SH3GL1: variants seen among roughly 807,000 people sequenced by gnomAD.
SH3GL1 encodes SH3 domain containing GRB2 like 1, endophilin A2.
Under a neutral mutation model 48.8 loss-of-function variants are expected in SH3GL1, and 21 were observed. That is an observed-to-expected ratio of 0.43 (90% CI 0.30 to 0.62). The LOEUF is 0.62. SH3GL1 is among the 20% of genes least tolerant of loss of function. SH3GL1 has a pLI of 0.11. For missense variants in SH3GL1, 454 were observed against 503.0 expected (o/e 0.90, Z 0.93); for synonymous variants, 282 against 217.5 (o/e 1.30, Z -2.61).
chr19:4,380,814 T>C (rs949957051), intron 1 of SH3GL1, among the ~76,000 whole-genome samples: 4 of 152,068 alleles, frequency 2.6e-5, no homozygotes, highest in Admixed American at 6.5e-5. Context: ...CCACTAGCTT[T>C]TAAGTCACCA....
chr19:4,362,384 A>C lies in SH3GL1; in HGVS notation c.855T>G (p.Ala285=), dbSNP rs1176111297. 1 of 1,610,992 alleles carries C rather than the reference A, an allele frequency of 6.2e-7. No homozygotes were observed. The highest frequency in any genetic ancestry group is 8.5e-7 in the Non-Finnish European group (1 of 1,178,514). The change falls in exon 9 of 10, where the codon GCT becomes GCG. Residue 285 remains alanine (A), a splice_region_variant and synonymous_variant. Transcript: ENST00000269886. ...TGTCGGAAGATCGGAAAGACGATGA[A>C]GCTAAACACAAGCAAAACGAGGAGG... ...FPCTTAPKIA[A]SSSFRSSDKP... is the part of the protein sequence containing the mutation.
At chr19:4,368,652 C>T (rs1972833339) in intron 1 of SH3GL1, among the ~76,000 whole-genome samples, 1 of 152,234 alleles carries the variant, frequency 6.6e-6, no homozygotes, top group South Asian at 2.1e-4. Flanking sequence ...GTCCACCTGC[C>T]TTCATGTGCG....
Position 4,360,519 on chromosome 19 carries a change from G to A in SH3GL1, c.*1081C>T, listed in dbSNP as rs898701833. 8.1e-5 allele frequency: 19 copies of A among 233,806 alleles called. No homozygotes were observed. The highest frequency in any genetic ancestry group is 4.2e-4 in the African/African-American group (19 of 45,318). 14.5% of individuals were successfully genotyped at this position (233,806 alleles called of 1,614,324 possible). A position where few individuals can be genotyped will look rare whatever the true frequency, so the allele number is the denominator to read the frequency against. The stretch of plus-strand genomic sequence containing the variant: ...GCAGGGCAGGGCAGAGCAGAGCCTG[G>A]GGTCCGGAGGCTTCACTGGACCACA... On this transcript the variant is annotated 3_prime_UTR_variant, in exon 10 of 10. Transcript: ENST00000269886.
At chr19:4,381,447 CCCT>C (rs1485056863) in intron 1 of SH3GL1, among the ~76,000 whole-genome samples, 1 of 128,814 alleles carries the variant, frequency 7.8e-6, no homozygotes, top group Non-Finnish European at 1.7e-5. Context: ...CTCTCTGTCC[CCCT>C]ACCTCTGTCT....
At chr19:4,392,418 G>GA (rs1426166874) in intron 1 of SH3GL1, among the ~76,000 whole-genome samples, 8 of 152,048 alleles carry the variant, frequency 5.3e-5, no homozygotes, top group African/African-American at 1.9e-4. Context: ...CAGCTACTCA[G>GA]GAGGCTGAGG....
Position 4,367,509 on chromosome 19 carries a change from G to T in SH3GL1, c.46-515C>A, listed in dbSNP as rs1599595821. ...GAGGTGCAGGCAGCCGGGCAGGGAGGCCGCCATTCTCCTGTGCTCTGGTGC... is the reference window on the plus strand; with the variant it reads ...GAGGTGCAGGCAGCCGGGCAGGGAGTCCGCCATTCTCCTGTGCTCTGGTGC... On this transcript the variant is annotated intron_variant, in intron 1 of 9. Coordinates refer to ENST00000269886, the MANE Select transcript of SH3GL1 (RefSeq NM_003025.4). This position sits in a 1 kb window ranked among gnomAD's most constrained non-coding sequence, Gnocchi z 4.2. Among the ~76,000 whole-genome samples the T allele has an allele frequency of 6.6e-6, 1 of 152,178 alleles. No individual in the cohort carries two copies. Among genetic ancestry groups the T allele is most frequent in the Non-Finnish European group, 1.5e-5 (1 of 68,024 alleles).
intron 1 of SH3GL1, among the ~76,000 whole-genome samples, chr19:4,374,608 A>G (rs1972969067): frequency 6.6e-6 from 1 of 152,214 alleles, no homozygotes; most frequent in Non-Finnish European, 1.5e-5. Flanking sequence ...TTCTCCCGGG[A>G]CAGCCTCCTC....
intron 1 of SH3GL1, among the ~76,000 whole-genome samples, chr19:4,398,596 C>G (rs1241032042): frequency 6.6e-6 from 1 of 152,058 alleles, no homozygotes; most frequent in Non-Finnish European, 1.5e-5. Flanking sequence ...TGCTCTCAAA[C>G]TCCTGGCTTC....
intron 1 of SH3GL1, among the ~76,000 whole-genome samples, chr19:4,371,638 C>T (rs1326740942): frequency 6.6e-6 from 1 of 152,226 alleles, no homozygotes; most frequent in African/African-American, 2.4e-5. Flanking sequence ...GGATGCGCCA[C>T]ATTTGCCCGC....
chr19:4,366,520 C>G lies in SH3GL1; in HGVS notation c.168G>C (p.Glu56Asp), dbSNP rs1036023718. 6.2e-7 allele frequency: 1 copy of G among 1,611,204 alleles called. No homozygotes were observed. Among genetic ancestry groups the G allele is most frequent in the African/African-American group, 1.3e-5 (1 of 74,970 alleles). The change falls in exon 3 of 10, where the codon GAG (glutamate) becomes GAC (aspartate). Residue 56 changes from glutamate to aspartate, a missense_variant. Glu to Asp is a conservative substitution (Grantham distance 45). This residue lies in a region of SH3GL1 where 176 missense variants were observed against 256.2 expected (regional missense o/e 0.69). Transcript: ENST00000269886. ...AVTEVLARTI[E>D]YLQPNPASRA... is the part of the protein sequence containing the mutation. Reference sequence around the variant, plus strand: ...ACCCACCTGGGTTGGGCTGCAGGTACTCGATGGTCCTGGCCAGCACTTCTG... The same window carrying G: ...ACCCACCTGGGTTGGGCTGCAGGTAGTCGATGGTCCTGGCCAGCACTTCTG...
In SH3GL1 at chr19:4,370,331, C is replaced by T. The variant is rs368659301; in HGVS notation, c.46-3337G>A. Among the ~76,000 whole-genome samples, 523 of 152,308 alleles carry T rather than the reference C, an allele frequency of 3.4e-3. 1 individual carries two copies. The highest frequency in any genetic ancestry group is 0.011 in the African/African-American group (472 of 41,566). ...ACTAGTGCAGCGGACTCAGCAGTGG[C>T]AATGACAGCTCCGCACTCGAGTCCA... On this transcript the variant is annotated intron_variant, in intron 1 of 9. Coordinates refer to ENST00000269886, the MANE Select transcript of SH3GL1 (RefSeq NM_003025.4).
rs763635891 is a variant in SH3GL1 at position 4,363,470 on chromosome 19, C to T, written c.628G>A (p.Glu210Lys). ...AGGGCCGAGAGCTGACTCACCTGCTCGATCTGTGGGGACAGTAGGGCTCAG... is the reference window on the plus strand; with the variant it reads ...AGGGCCGAGAGCTGACTCACCTGCTTGATCTGTGGGGACAGTAGGGCTCAG... ...SMHNLLETDIEQVSQLSALVD... is the reference protein window; with the variant it reads ...SMHNLLETDIKQVSQLSALVD... Residue 210 changes from glutamate (E) to lysine (K), a missense_variant, in exon 7 of 10, where the codon GAG becomes AAG. Physicochemically the swap from Glu to Lys is moderately conservative, Grantham distance 56. This residue lies in a region of SH3GL1 where 278 missense variants were observed against 246.8 expected (regional missense o/e 1.13). Coordinates refer to ENST00000269886, the MANE Select transcript of SH3GL1 (RefSeq NM_003025.4). The T allele has an allele frequency of 8.1e-6, 13 of 1,611,644 alleles. No individual in the cohort carries two copies. The highest frequency in any genetic ancestry group is 5.3e-5 in the African/African-American group (4 of 74,880).
chr19:4,378,479 C>G (rs1599607145), intron 1 of SH3GL1, among the ~76,000 whole-genome samples: 1 of 152,132 alleles, frequency 6.6e-6, no homozygotes, highest in Non-Finnish European at 1.5e-5. Context: ...CTTTGGGAAA[C>G]CGAGACGGGC....
intron 1 of SH3GL1, among the ~76,000 whole-genome samples, chr19:4,383,380 A>AT (rs879886532): frequency 3.1e-3 from 455 of 146,950 alleles, no homozygotes; most frequent in East Asian, 8.5e-3. Flanking sequence ...ACACAGAGTT[A>AT]TTTTTTTTTT....
rs371282452 is a variant in SH3GL1 at position 4,393,266 on chromosome 19, C to CA, written c.45+7057dup. The stretch of plus-strand genomic sequence containing the variant: ...ATGGTGTGAGACTCCGTCTCAAAAA[C>CA]AAAAAAAACAAAAATAACAAAACAA... On this transcript the variant is annotated intron_variant, in intron 1 of 9. Coordinates refer to ENST00000269886, the MANE Select transcript of SH3GL1 (RefSeq NM_003025.4). 1.2e-3 allele frequency among the ~76,000 whole-genome samples: 183 copies of CA among 148,136 alleles called. 1 individual carries two copies. The highest frequency in any genetic ancestry group is 3.9e-3 in the African/African-American group (157 of 40,504).
Position 4,361,725 on chromosome 19 carries a change from G to T in SH3GL1, c.982C>A (p.His328Asn). 3 of 1,613,278 alleles carry T rather than the reference G, an allele frequency of 1.9e-6. No individual in the cohort carries two copies. The highest frequency in any genetic ancestry group is 2.5e-6 in the Non-Finnish European group (3 of 1,179,854). ...GTCAGCGTGATGACGTCGCCCTCAT[G>T]GAAGCCCAGCTCCCCGTCGTTCTCG... is the stretch of plus-strand genomic sequence containing the variant. Reference protein sequence around the residue: ...EPENDGELGFHEGDVITLTNQ... With the variant: ...EPENDGELGFNEGDVITLTNQ... The change falls in exon 10 of 10, where the codon CAT becomes AAT. Residue 328 changes from histidine (H) to asparagine (N), a missense_variant. By Grantham distance (68) the His-to-Asn change is moderately conservative. This residue lies in a region of SH3GL1 where 278 missense variants were observed against 246.8 expected (regional missense o/e 1.13). Coordinates refer to ENST00000269886, the MANE Select transcript of SH3GL1 (RefSeq NM_003025.4).
intron 1 of SH3GL1, among the ~76,000 whole-genome samples, chr19:4,399,076 T>C (rs573904671): frequency 1.5e-4 from 23 of 152,156 alleles, no homozygotes; most frequent in Admixed American, 2.6e-4. Context: ...TCCCAGCATG[T>C]TGGGAAGCCG....
At chr19:4,366,842 A>G (rs1199366535) in intron 2 of SH3GL1, 84 bp downstream of exon 2, 1 of 1,375,670 alleles carries the variant, frequency 7.3e-7, no homozygotes. Context: ...CAGGCCCATC[A>G]AGGTTGGCCG....
intron 1 of SH3GL1, among the ~76,000 whole-genome samples, chr19:4,369,753 G>T (rs1972858355): frequency 6.6e-6 from 1 of 152,248 alleles, no homozygotes; most frequent in Non-Finnish European, 1.5e-5. Flanking sequence ...GGGAGGCTGT[G>T]CCCTAACTAC....
Sources: allele counts gnomAD v4.1 joint callset (sites outside exome capture counted in the v4.1 genomes callset), GRCh38; gene constraint gnomAD v4.1.1; regional missense constraint gnomAD v4.1.1; non-coding constraint Gnocchi (gnomAD v3.1); transcripts MANE v1.5; gene names NCBI Gene and HGNC (gene_info 2026-07-23, HGNC 2026-07-21).